ZNF438: variants seen among roughly 807,000 people sequenced by gnomAD.
ZNF438 encodes the protein zinc finger protein 438.
In ZNF438, 25 loss-of-function variants were observed where a neutral mutation model predicts 38.0. The ratio of observed to expected loss-of-function variants is 0.66; its 90% CI spans 0.48 to 0.92. The LOEUF (loss-of-function observed/expected upper bound fraction) is 0.92. ZNF438 is among the 40% of genes least tolerant of loss of function. The pLI is 0.00. For synonymous variants in ZNF438, 372 were observed against 364.1 expected (o/e 1.02, Z -0.25); for missense variants, 1,007 against 999.6 (o/e 1.01, Z -0.10).
intron 4 of ZNF438, chr10:30,857,897 T>C: frequency 1.9e-6 from 1 of 530,236 alleles, no homozygotes; most frequent in Non-Finnish European, 2.9e-6. Context: ...CTACCACAAA[T>C]AGTATTAAGA....
chr10:30,931,493 C>CT lies in ZNF438; in HGVS notation c.-115+10081dup, dbSNP rs35518020. 2.5e-3 allele frequency among the ~76,000 whole-genome samples: 381 copies of CT among 152,086 alleles called. 1 individual carries two copies. The highest frequency in any genetic ancestry group is 8.5e-3 in the African/African-American group (352 of 41,510). On this transcript the variant is annotated intron_variant, in intron 2 of 5. Transcript: ENST00000413025. ...TAATACTTGAACAACAGAAATAACA[C>CT]TTTTTTTTGCCCCAAATTAAATACC... is the stretch of plus-strand genomic sequence containing the variant.
intron 2 of ZNF438, among the ~76,000 whole-genome samples, chr10:30,924,479 A>G (rs891346378): frequency 3.3e-5 from 5 of 152,242 alleles, no homozygotes; most frequent in African/African-American, 4.8e-5. Context: ...CAGTTCTTTG[A>G]TACTTATTTT....
At chr10:30,884,578 T>C (rs1052213522) in intron 3 of ZNF438, among the ~76,000 whole-genome samples, 5 of 152,134 alleles carry the variant, frequency 3.3e-5, no homozygotes, top group African/African-American at 1.2e-4. Flanking sequence ...TGCTGAAAAG[T>C]ATATTAAATA....
intron 1 of ZNF438, among the ~76,000 whole-genome samples, chr10:30,988,848 G>A (rs1335701066): frequency 3.3e-5 from 5 of 152,040 alleles, no homozygotes; most frequent in Non-Finnish European, 7.4e-5. Flanking sequence ...AATTTTATGA[G>A]TCACTTTGGA....
At chr10:30,926,218 A>G (rs76939253) in intron 2 of ZNF438, among the ~76,000 whole-genome samples, 12,666 of 152,294 alleles carry the variant, frequency 0.083, 608 homozygotes, top group Non-Finnish European at 0.11. Flanking sequence ...ACGGATGTAC[A>G]TAATTGTCAA....
intron 2 of ZNF438, among the ~76,000 whole-genome samples, chr10:30,927,870 T>C (rs1214549946): frequency 9.1e-6 from 1 of 109,866 alleles, no homozygotes; most frequent in Admixed American, 9.4e-5. Context: ...TTGACCTCAC[T>C]GAGCCAAAAA....
intron 1 of ZNF438, among the ~76,000 whole-genome samples, chr10:30,979,633 G>C (rs1042052688): frequency 1.3e-5 from 2 of 152,204 alleles, no homozygotes; most frequent in Non-Finnish European, 2.9e-5. Flanking sequence ...TCTGATCTTT[G>C]ACATATCTGG....
rs775318772 is a variant in ZNF438 at position 30,970,672 on chromosome 10, ATAAAAAT to A, written c.-191-29028_-191-29022del. 4.2e-4 allele frequency among the ~76,000 whole-genome samples: 64 copies of A among 152,280 alleles called. 1 individual carries two copies. Among genetic ancestry groups the A allele is most frequent in the South Asian group, 4.2e-4 (2 of 4,818 alleles). ...CCAATACCCCTTTCTACCAATTCCCATAAAAATTCTTGGAGTTCCTATTGCAGCGTCT... is the reference window on the plus strand; with the variant it reads ...CCAATACCCCTTTCTACCAATTCCCATCTTGGAGTTCCTATTGCAGCGTCT... On this transcript the variant is annotated intron_variant, in intron 1 of 5. Coordinates refer to ENST00000413025, the Ensembl canonical transcript of ZNF438.
At chr10:30,960,244 C>T (rs1174727136) in intron 1 of ZNF438, among the ~76,000 whole-genome samples, 1 of 147,162 alleles carries the variant, frequency 6.8e-6, no homozygotes, top group African/African-American at 2.4e-5. Flanking sequence ...AGTTTCTTCC[C>T]AATGTCTTTT....
intron 4 of ZNF438, among the ~76,000 whole-genome samples, chr10:30,870,715 C>T (rs1379960778): frequency 1.3e-5 from 2 of 152,164 alleles, no homozygotes; most frequent in Non-Finnish European, 2.9e-5. Flanking sequence ...AATGTTGTGA[C>T]TAGAGGCTCA....
At chr10:31,031,295 T>C (rs905368387) in intron 1 of ZNF438, among the ~76,000 whole-genome samples, 2 of 152,206 alleles carry the variant, frequency 1.3e-5, no homozygotes, top group African/African-American at 4.8e-5. Context: ...GGAACAACCA[T>C]TAGGGAGGCC....
intron 2 of ZNF438, among the ~76,000 whole-genome samples, chr10:30,918,811 T>A (rs747924184): frequency 1.3e-5 from 2 of 152,220 alleles, no homozygotes; most frequent in Non-Finnish European, 2.9e-5. Flanking sequence ...GATTATCTGA[T>A]GGGGAAGAAA....
chr10:31,027,580 C>A (rs1228446501), intron 1 of ZNF438, among the ~76,000 whole-genome samples: 1 of 152,054 alleles, frequency 6.6e-6, no homozygotes, highest in East Asian at 1.9e-4. Context: ...GTCAATAACA[C>A]CTGAGCATCA....
intron 3 of ZNF438, among the ~76,000 whole-genome samples, chr10:30,903,210 C>T (rs954296365): frequency 9.8e-5 from 15 of 152,316 alleles, no homozygotes; most frequent in Admixed American, 3.3e-4. Flanking sequence ...CCAAGGGAGC[C>T]GGCTCCGGAC....
intron 3 of ZNF438, among the ~76,000 whole-genome samples, chr10:30,893,906 G>C (rs2134081129): frequency 6.6e-6 from 1 of 152,282 alleles, no homozygotes; most frequent in South Asian, 2.1e-4. Context: ...AATTATGGTA[G>C]TTATTATTGT....
At chr10:30,893,040 A>G (rs1036857821) in intron 3 of ZNF438, among the ~76,000 whole-genome samples, 1 of 152,188 alleles carries the variant, frequency 6.6e-6, no homozygotes, top group African/African-American at 2.4e-5. Flanking sequence ...AGGAAGTCAC[A>G]GTAAGAAATT....
At chr10:30,920,207 A>AAGAATGGC (rs2044135817) in intron 2 of ZNF438, 1 of 152,206 alleles carries the variant, frequency 6.6e-6, no homozygotes, top group Non-Finnish European at 1.5e-5. Flanking sequence ...TCTTCCATGT[A>AAGAATGGC]GTCATTGGTG....
At chr10:30,860,947 TGCAGACTTTA>T (rs1182556338) in intron 4 of ZNF438, among the ~76,000 whole-genome samples, 1 of 152,180 alleles carries the variant, frequency 6.6e-6, no homozygotes, top group East Asian at 1.9e-4. Flanking sequence ...ACACTTGCCT[TGCAGACTTTA>T]GTATTTTGCC....
intron 1 of ZNF438, among the ~76,000 whole-genome samples, chr10:31,030,466 C>T (rs1365534293): frequency 6.6e-6 from 1 of 152,236 alleles, no homozygotes; most frequent in Non-Finnish European, 1.5e-5. Flanking sequence ...CAATAGCACA[C>T]TTAGCCTTTC....
Sources: allele counts gnomAD v4.1 joint callset (sites outside exome capture counted in the v4.1 genomes callset), GRCh38; gene constraint gnomAD v4.1.1; transcripts MANE v1.5; gene names NCBI Gene and HGNC (gene_info 2026-07-23, HGNC 2026-07-21).